Variants in EPB41 observed in about 807,000 individuals in gnomAD.
EPB41 encodes the protein erythrocyte membrane protein band 4.1, also known as protein 4.1.
In EPB41, 65 loss-of-function variants were observed where a neutral mutation model predicts 108.0. That is an observed-to-expected ratio of 0.60 (90% CI 0.49 to 0.74). The LOEUF is 0.74. Among genes scored for constraint, EPB41 ranks in the 30% least tolerant of loss-of-function variants. EPB41 has a pLI of 0.00. For missense variants in EPB41, 875 were observed against 1,037.0 expected, an observed-to-expected ratio of 0.84 and a Z score of 2.15; for synonymous variants, 336 against 358.9, an observed-to-expected ratio of 0.94 and a Z score of 0.72.
chr1:29,032,981 A>T (rs2096809197), intron 8 of EPB41, 112 bp from the exon 9 acceptor site: 1 of 1,057,004 alleles, frequency 9.5e-7, no homozygotes, highest in Admixed American at 1.9e-5. Context: ...TTTATTTTTC[A>T]TTGTATGTTT....
chr1:29,060,752 C>T (rs1442876577), intron 15 of EPB41, among the ~76,000 whole-genome samples: 1 of 152,134 alleles, frequency 6.6e-6, no homozygotes, highest in African/African-American at 2.4e-5. Flanking sequence ...CATTGTTTTA[C>T]CCACCTTTAG....
intron 5 of EPB41, 113 bp downstream of exon 5, chr1:29,012,020 G>T (rs1214879462): frequency 1.7e-6 from 2 of 1,144,758 alleles, no homozygotes; most frequent in Admixed American, 2.0e-5. Flanking sequence ...ACTGCAGATT[G>T]CTTTGAAATC....
Position 29,005,222 on chromosome 1 carries a change from T to G in EPB41, c.787-6643T>G, listed in dbSNP as rs149410285. Among the ~76,000 whole-genome samples the G allele has an allele frequency of 3.0e-3, 453 of 152,152 alleles. 2 individuals are homozygous for G. The highest frequency in any genetic ancestry group is 0.011 in the African/African-American group (438 of 41,512). Reference sequence around the variant, plus strand: ...TATGGGGAAGCTGGCACATCTTACATGGCCAGAGCAGGAGGAAGAGGGGGT... The same window carrying G: ...TATGGGGAAGCTGGCACATCTTACAGGGCCAGAGCAGGAGGAAGAGGGGGT... On this transcript the variant is annotated intron_variant, in intron 4 of 20. Coordinates refer to ENST00000343067, the MANE Select transcript of EPB41 (RefSeq NM_001376013.1).
At chr1:28,895,888 C>T (rs190243482) in intron 1 of EPB41, among the ~76,000 whole-genome samples, 2 of 152,214 alleles carry the variant, frequency 1.3e-5, no homozygotes. Flanking sequence ...CAGTACACGG[C>T]TGGTGGGAGC....
intron 1 of EPB41, among the ~76,000 whole-genome samples, chr1:28,983,715 G>C (rs928297911): frequency 1.3e-5 from 2 of 152,104 alleles, no homozygotes; most frequent in African/African-American, 4.8e-5. Flanking sequence ...CAGTATCCAG[G>C]GGGCAGTATC....
intron 16 of EPB41, among the ~76,000 whole-genome samples, chr1:29,090,303 A>G (rs1660722333): frequency 6.6e-6 from 1 of 152,188 alleles, no homozygotes; most frequent in Non-Finnish European, 1.5e-5. Flanking sequence ...AAGCAAATAG[A>G]TAAAGTAGAT....
chr1:29,059,783 A>G (rs916238393), intron 14 of EPB41, among the ~76,000 whole-genome samples: 1 of 152,068 alleles, frequency 6.6e-6, no homozygotes, highest in African/African-American at 2.4e-5. Flanking sequence ...GTCTCCAAAA[A>G]AACACCCACT....
intron 7 of EPB41, among the ~76,000 whole-genome samples, chr1:29,026,121 G>T (rs2096715694): frequency 6.6e-6 from 1 of 152,124 alleles, no homozygotes; most frequent in Non-Finnish European, 1.5e-5. Flanking sequence ...GCCCAGAATG[G>T]GGAATTCAGG....
intron 11 of EPB41, among the ~76,000 whole-genome samples, chr1:29,047,733 A>G (rs142027425): frequency 6.6e-6 from 1 of 151,942 alleles, no homozygotes; most frequent in East Asian, 1.9e-4. Context: ...TGATTTTATT[A>G]ATCTTTTCTT....
At chr1:28,942,258 C>G (rs1167597946) in intron 1 of EPB41, among the ~76,000 whole-genome samples, 1 of 152,156 alleles carries the variant, frequency 6.6e-6, no homozygotes, top group Non-Finnish European at 1.5e-5. Flanking sequence ...ACACTATCTA[C>G]CTGGAGATAG....
chr1:28,969,433 T>C (rs2095441019), intron 1 of EPB41, among the ~76,000 whole-genome samples: 1 of 152,102 alleles, frequency 6.6e-6, no homozygotes, highest in African/African-American at 2.4e-5. Flanking sequence ...TGTAGTAAGC[T>C]TACGTGTTTG....
intron 4 of EPB41, among the ~76,000 whole-genome samples, chr1:29,001,352 T>C (rs2096289814): frequency 6.6e-6 from 1 of 151,516 alleles, no homozygotes; most frequent in South Asian, 2.1e-4. Context: ...TGCTGTCTCT[T>C]AAGTCACAGT....
chr1:29,100,219 A>G (rs894543733), intron 17 of EPB41, among the ~76,000 whole-genome samples: 1 of 151,558 alleles, frequency 6.6e-6, no homozygotes, highest in Non-Finnish European at 1.5e-5. Flanking sequence ...CTGTAATCCC[A>G]GCACTTTGGG....
chr1:28,961,955 C>T (rs1035070969), intron 1 of EPB41, among the ~76,000 whole-genome samples: 1 of 151,178 alleles, frequency 6.6e-6, no homozygotes, highest in Non-Finnish European at 1.5e-5. Flanking sequence ...GTGTATTTGC[C>T]GTTAAATTTT....
intron 1 of EPB41, among the ~76,000 whole-genome samples, chr1:28,896,242 T>C (rs531713380): frequency 6.6e-6 from 1 of 152,212 alleles, no homozygotes; most frequent in Non-Finnish European, 1.5e-5. Flanking sequence ...TTGTTATTAT[T>C]ATAATTATGA....
At chr1:29,060,157 CA>C (rs1185467102) in intron 14 of EPB41, among the ~76,000 whole-genome samples, 1 of 152,126 alleles carries the variant, frequency 6.6e-6, no homozygotes, top group Non-Finnish European at 1.5e-5. Flanking sequence ...CAGCTTGTTA[CA>C]TAAGAAGCCA....
intron 7 of EPB41, among the ~76,000 whole-genome samples, chr1:29,029,133 T>C (rs1228926843): frequency 6.6e-6 from 1 of 150,696 alleles, no homozygotes; most frequent in Non-Finnish European, 1.5e-5. Context: ...TAGAAAAAAA[T>C]GTAACTTAGA....
intron 18 of EPB41, among the ~76,000 whole-genome samples, chr1:29,110,629 A>G (rs1201187239): frequency 6.6e-6 from 1 of 152,226 alleles, no homozygotes; most frequent in East Asian, 1.9e-4. Context: ...AGAGGAAAAT[A>G]CTTTTTTTAA....
intron 1 of EPB41, among the ~76,000 whole-genome samples, chr1:28,973,492 CA>C (rs1355545974): frequency 6.6e-6 from 1 of 152,102 alleles, no homozygotes; most frequent in Non-Finnish European, 1.5e-5. Context: ...TGGGCTCAAG[CA>C]ATTCTTCTGC....
Sources: allele counts gnomAD v4.1 joint callset (sites outside exome capture counted in the v4.1 genomes callset), GRCh38; gene constraint gnomAD v4.1.1; transcripts MANE v1.5; gene names NCBI Gene and HGNC (gene_info 2026-07-23, HGNC 2026-07-21).